GDA: variants seen among roughly 807,000 people sequenced by gnomAD.
The protein encoded by GDA is guanine deaminase, also known as cytoplasmic PSD-95 interactor.
GDA carries 18 observed loss-of-function variants against 59.6 expected under a neutral mutation model. The ratio of observed to expected loss-of-function variants is 0.30; its 90% CI spans 0.21 to 0.45. The LOEUF (loss-of-function observed/expected upper bound fraction) is 0.45. Ranked by LOEUF, GDA falls within the 20% of genes least tolerant of loss-of-function variation. The probability of loss-of-function intolerance (pLI) is 1.00; values close to 1 mark genes in which losing one functional copy is unlikely to be tolerated. For missense variants in GDA, 427 were observed against 552.3 expected (o/e 0.77, Z 2.27); for synonymous variants, 201 against 201.1 (o/e 1.00, Z 0.00).
At chr9:72,243,207 C>T (rs191502599) in intron 11 of GDA, among the ~76,000 whole-genome samples, 2 of 152,312 alleles carry the variant, frequency 1.3e-5, no homozygotes, top group African/African-American at 4.8e-5. Flanking sequence ...AACTCTATTT[C>T]CTGAAATGCA....
At chr9:72,151,592 T>A (rs1196459566) in intron 1 of GDA, among the ~76,000 whole-genome samples, 2 of 151,296 alleles carry the variant, frequency 1.3e-5, no homozygotes, top group Non-Finnish European at 2.9e-5. Flanking sequence ...GATCTGTAAT[T>A]TTTTTTTTGG....
intron 1 of GDA, among the ~76,000 whole-genome samples, chr9:72,120,955 C>T (rs1297193143): frequency 6.6e-6 from 1 of 152,156 alleles, no homozygotes; most frequent in Non-Finnish European, 1.5e-5. Flanking sequence ...TGCTCTGGAT[C>T]TCATCTTCCC....
intron 1 of GDA, among the ~76,000 whole-genome samples, chr9:72,151,258 C>G (rs1233414254): frequency 6.6e-6 from 1 of 152,138 alleles, no homozygotes; most frequent in Admixed American, 6.6e-5. Context: ...AAAACATGCC[C>G]TTCCCCCACA....
chr9:72,155,235 G>C (rs1827750969), intron 1 of GDA, among the ~76,000 whole-genome samples: 1 of 152,172 alleles, frequency 6.6e-6, no homozygotes, highest in Admixed American at 6.5e-5. Flanking sequence ...GGCAGCAAGA[G>C]AGAATGAGGA....
chr9:72,177,085 T>C (rs967120315), intron 1 of GDA, among the ~76,000 whole-genome samples: 2 of 145,966 alleles, frequency 1.4e-5, no homozygotes, highest in African/African-American at 5.0e-5. Flanking sequence ...GAGACCTTTA[T>C]AAACTGCTTT....
At chr9:72,119,580 A>G (rs898608883) in intron 1 of GDA, among the ~76,000 whole-genome samples, 8 of 152,210 alleles carry the variant, frequency 5.3e-5, no homozygotes, top group Non-Finnish European at 7.3e-5. Context: ...AGAATATATA[A>G]CAAAATATGA....
chr9:72,212,460 C>T (rs910955078), intron 4 of GDA, among the ~76,000 whole-genome samples: 3 of 151,102 alleles, frequency 2.0e-5, no homozygotes, highest in Admixed American at 6.6e-5. Context: ...CCAGCCTGGG[C>T]GACAGAGTGA....
chr9:72,233,324 A>G (rs1163820639), intron 10 of GDA, among the ~76,000 whole-genome samples: 6 of 152,340 alleles, frequency 3.9e-5, no homozygotes, highest in South Asian at 2.1e-4. Flanking sequence ...AACAATAAGA[A>G]TGTGAACAAA....
intron 9 of GDA, among the ~76,000 whole-genome samples, chr9:72,230,116 T>G (rs760907353): frequency 2.6e-5 from 4 of 152,212 alleles, no homozygotes; most frequent in African/African-American, 9.6e-5. Context: ...ATTAGAGTTA[T>G]GTGCATCTTC....
intron 1 of GDA, among the ~76,000 whole-genome samples, chr9:72,133,302 A>AT (rs747825485): frequency 0.15 from 20,513 of 137,196 alleles, 1,867 homozygotes; most frequent in East Asian, 0.48. Context: ...AAAAAAAAAA[A>AT]AAAAAAAATA....
intron 1 of GDA, among the ~76,000 whole-genome samples, chr9:72,124,972 A>G (rs1825794979): frequency 6.6e-6 from 1 of 152,230 alleles, no homozygotes; most frequent in African/African-American, 2.4e-5. Context: ...ATCATAAAAC[A>G]GTGATTACCT....
intron 1 of GDA, among the ~76,000 whole-genome samples, chr9:72,138,958 A>T (rs1467302634): frequency 1.3e-5 from 2 of 152,180 alleles, no homozygotes; most frequent in Admixed American, 1.3e-4. Flanking sequence ...TTAAGTTTTT[A>T]TTGCATTTAT....
chr9:72,190,045 A>C (rs1416740503), intron 1 of GDA, among the ~76,000 whole-genome samples: 1 of 152,164 alleles, frequency 6.6e-6, no homozygotes, highest in African/African-American at 2.4e-5. Flanking sequence ...TCAGTGGATT[A>C]ATGCCATTAT....
chr9:72,210,627 G>C (rs541776094), intron 3 of GDA, 60 bp from the exon 4 acceptor site: 1 of 898,450 alleles, frequency 1.1e-6, no homozygotes, highest in Non-Finnish European at 1.9e-6. Flanking sequence ...TTTTCCTCTG[G>C]ATGTACCATG....
At chr9:72,236,355 G>A (rs763726303) in intron 10 of GDA, among the ~76,000 whole-genome samples, 58 of 151,880 alleles carry the variant, frequency 3.8e-4, no homozygotes, top group Non-Finnish European at 6.8e-4. Flanking sequence ...TGTAATAAGC[G>A]TATATCTCCT....
At chr9:72,178,486 C>T (rs7036326) in intron 1 of GDA, among the ~76,000 whole-genome samples, 26,953 of 146,798 alleles carry the variant, frequency 0.18, 2,764 homozygotes, top group African/African-American at 0.29. Flanking sequence ...GGTGCAATCT[C>T]GGCTCACTGC....
At chr9:72,216,141 A>G (rs915796019) in intron 5 of GDA, among the ~76,000 whole-genome samples, 3 of 152,208 alleles carry the variant, frequency 2.0e-5, no homozygotes, top group Non-Finnish European at 4.4e-5. Context: ...TCATATGTGC[A>G]TGCCCCACAT....
At chr9:72,235,577 G>C (rs1838876909) in intron 10 of GDA, among the ~76,000 whole-genome samples, 1 of 151,976 alleles carries the variant, frequency 6.6e-6, no homozygotes, top group South Asian at 2.1e-4. Flanking sequence ...TGTGCCTGTA[G>C]TCCCAGCTAC....
chr9:72,163,406 A>T (rs1244476779), intron 1 of GDA, among the ~76,000 whole-genome samples: 1 of 152,134 alleles, frequency 6.6e-6, no homozygotes, highest in African/African-American at 2.4e-5. Context: ...AATGTTACAT[A>T]TTGCTCTTTG....
Sources: allele counts gnomAD v4.1 joint callset (sites outside exome capture counted in the v4.1 genomes callset), GRCh38; gene constraint gnomAD v4.1.1; transcripts MANE v1.5; gene names NCBI Gene and HGNC (gene_info 2026-07-23, HGNC 2026-07-21).